PLSCR1: variants seen among roughly 807,000 people sequenced by gnomAD.
PLSCR1 encodes phospholipid scramblase 1, also known as PL scramblase 1.
A neutral mutation model predicts 37.8 loss-of-function variants in PLSCR1; 17 were observed. That is an observed-to-expected ratio of 0.45 (90% CI 0.31 to 0.68). The LOEUF (loss-of-function observed/expected upper bound fraction) is 0.68, where lower values mean the gene tolerates loss of function less well. Among genes scored for constraint, PLSCR1 ranks in the 30% least tolerant of loss-of-function variants. The probability of loss-of-function intolerance (pLI) is 0.06; values close to 1 mark genes in which losing one functional copy is unlikely to be tolerated. For synonymous variants in PLSCR1, 116 were observed against 125.9 expected (o/e 0.92, Z 0.53); for missense variants, 347 against 380.9 (o/e 0.91, Z 0.74).
intron 5 of PLSCR1, among the ~76,000 whole-genome samples, chr3:146,522,970 G>A (rs343312): frequency 0.068 from 10,408 of 152,224 alleles, 444 homozygotes; most frequent in African/African-American, 0.12. Context: ...ATTTGTTCAC[G>A]TGTTTACATG....
intron 1 of PLSCR1, among the ~76,000 whole-genome samples, chr3:146,538,650 A>T (rs1005783337): frequency 6.6e-6 from 1 of 152,192 alleles, no homozygotes; most frequent in Non-Finnish European, 1.5e-5. Context: ...AAAGCACTAA[A>T]TAATGTCTAA....
chr3:146,538,716 A>AT (rs988179704), intron 1 of PLSCR1, among the ~76,000 whole-genome samples: 8 of 151,540 alleles, frequency 5.3e-5, no homozygotes, highest in South Asian at 2.1e-4. Flanking sequence ...TTTATTTTTT[A>AT]TTTTTTTTTA....
intron 3 of PLSCR1, among the ~76,000 whole-genome samples, chr3:146,531,918 G>A (rs1302362891): frequency 1.3e-5 from 2 of 152,002 alleles, no homozygotes; most frequent in African/African-American, 2.4e-5. Flanking sequence ...AACTTCCTAT[G>A]CCTCAGCTTT....
intron 1 of PLSCR1, among the ~76,000 whole-genome samples, chr3:146,541,605 A>G (rs558306392): frequency 1.3e-5 from 2 of 152,294 alleles, no homozygotes; most frequent in South Asian, 2.1e-4. Context: ...CCTTCAGTGA[A>G]ATTTGTTAAA....
chr3:146,533,884 G>T (rs2609869), intron 2 of PLSCR1, among the ~76,000 whole-genome samples: 4 of 152,082 alleles, frequency 2.6e-5, no homozygotes, highest in African/African-American at 4.8e-5. Flanking sequence ...TACAGACTAC[G>T]AAGAAAGAGA....
At chr3:146,529,530 T>C (rs2044166939) in intron 3 of PLSCR1, among the ~76,000 whole-genome samples, 1 of 151,820 alleles carries the variant, frequency 6.6e-6, no homozygotes, top group African/African-American at 2.4e-5. Context: ...TTTTTTTTTT[T>C]GAGACAGAGT....
In PLSCR1 at chr3:146,521,563, C is replaced by CA; in HGVS notation, c.718dup (p.Cys240LeufsTer5). ...TCTTACCTCAAAATCAACATCTCCACAACAGCTGCACACAACACATGGACC... is the reference window on the plus strand; with the variant it reads ...TCTTACCTCAAAATCAACATCTCCACAAACAGCTGCACACAACACATGGACC... On this transcript the variant is annotated frameshift_variant, in exon 7 of 9. Coordinates refer to ENST00000342435, the MANE Select transcript of PLSCR1 (RefSeq NM_021105.3). LOFTEE classifies it high-confidence loss of function. The CA allele has an allele frequency of 1.2e-6, 2 of 1,613,626 alleles. No homozygotes were observed. Among genetic ancestry groups the CA allele is most frequent in the Non-Finnish European group, 1.7e-6 (2 of 1,179,764 alleles).
chr3:146,517,615 G>A (rs2108616916), intron 7 of PLSCR1, among the ~76,000 whole-genome samples: 1 of 152,252 alleles, frequency 6.6e-6, no homozygotes, highest in Non-Finnish European at 1.5e-5. Flanking sequence ...ACTACCCACT[G>A]TGAGTTGCCA....
At chr3:146,516,975 C>A in intron 8 of PLSCR1, 31 bp downstream of exon 8, 2 of 1,362,222 alleles carry the variant, frequency 1.5e-6, no homozygotes, top group Admixed American at 2.4e-5. Flanking sequence ...GAGAAAGCAT[C>A]TATAATCAAG....
chr3:146,532,609 A>G (rs2044214142), intron 3 of PLSCR1, among the ~76,000 whole-genome samples: 1 of 152,132 alleles, frequency 6.6e-6, no homozygotes, highest in African/African-American at 2.4e-5. Context: ...CATGACATTC[A>G]GCTCCTAAGC....
In PLSCR1 at chr3:146,517,030, T is replaced by G; in HGVS notation, c.876A>C (p.Val292=). 1 of 1,598,204 alleles carries G rather than the reference T, an allele frequency of 6.3e-7. No individual in the cohort carries two copies. Among genetic ancestry groups the G allele is most frequent in the Non-Finnish European group, 8.5e-7 (1 of 1,172,946 alleles). Residue 292 remains valine (V), a synonymous_variant, in exon 8 of 9, where the codon GTA becomes GTC. Coordinates refer to ENST00000342435, the MANE Select transcript of PLSCR1 (RefSeq NM_021105.3). ...CAATGAGGAAACAGGCACCAATCAT[T>G]ACAGCTTTCATTTTAACATCAAGGT... ...PLDLDVKMKA[V]MIGACFLIDF... is the part of the protein sequence containing the mutation.
At chr3:146,524,912 C>CT (rs1029388908) in intron 5 of PLSCR1, among the ~76,000 whole-genome samples, 2 of 151,940 alleles carry the variant, frequency 1.3e-5, no homozygotes, top group Admixed American at 1.3e-4. Context: ...TTTATTAAAC[C>CT]TTTTTTATCT....
chr3:146,533,550 T>C lies in PLSCR1; in HGVS notation c.14A>G (p.Asn5Ser), dbSNP rs1241898449. 1 of 1,592,354 alleles carries C rather than the reference T, an allele frequency of 6.3e-7. No individual in the cohort carries two copies. Among genetic ancestry groups the C allele is most frequent in the Non-Finnish European group, 8.6e-7 (1 of 1,162,732 alleles). Residue 5 changes from asparagine (N) to serine (S), a missense_variant and splice_region_variant, in exon 3 of 9, where the codon AAC (asparagine) becomes AGC (serine). Asn to Ser is a conservative substitution (Grantham distance 46, BLOSUM62 1). Transcript: ENST00000342435. MDKQ[N>S]SQMNASHPET... is the part of the protein sequence containing the mutation. ...CGGGTGAGAAGCATTCATCTGTGAG[T>C]CTGCAATTCAAGGAGAGGTAAATAG...
At chr3:146,528,038 A>C (rs2044143508) in intron 4 of PLSCR1, 1 of 152,226 alleles carries the variant, frequency 6.6e-6, no homozygotes, top group African/African-American at 2.4e-5. Context: ...AGTTACAATA[A>C]AAAGGTGAGT....
intron 1 of PLSCR1, among the ~76,000 whole-genome samples, chr3:146,543,251 A>G (rs1169457963): frequency 6.6e-6 from 1 of 152,192 alleles, no homozygotes; most frequent in East Asian, 1.9e-4. Flanking sequence ...CACACATCTG[A>G]TGTCTCTCCA....
At chr3:146,518,529 G>A (rs995131524) in intron 7 of PLSCR1, among the ~76,000 whole-genome samples, 10 of 152,058 alleles carry the variant, frequency 6.6e-5, no homozygotes, top group South Asian at 4.2e-4. Flanking sequence ...TCTGCTAATA[G>A]CTGTCATTGA....
chr3:146,518,989 C>T (rs916064224), intron 7 of PLSCR1, among the ~76,000 whole-genome samples: 1 of 152,058 alleles, frequency 6.6e-6, no homozygotes, highest in African/African-American at 2.4e-5. Flanking sequence ...AATATAATGA[C>T]AGCATATAGG....
chr3:146,540,712 T>C (rs1459121936), intron 1 of PLSCR1: 1 of 152,122 alleles, frequency 6.6e-6, no homozygotes, highest in Non-Finnish European at 1.5e-5. Context: ...AGCCCCAAGA[T>C]AGGGATAAAT....
intron 1 of PLSCR1, 179 bp from the exon 2 acceptor site, chr3:146,536,744 G>A: frequency 2.0e-6 from 1 of 502,440 alleles, no homozygotes; most frequent in East Asian, 3.0e-5. Flanking sequence ...TCCCCTTGCT[G>A]TGTTTCTGAG....
Sources: gnomAD v4.1 joint callset for allele counts (sites outside exome capture counted in the v4.1 genomes callset) on GRCh38, gnomAD v4.1.1 for gene constraint, MANE v1.5 for transcripts, NCBI Gene and HGNC (gene_info 2026-07-23, HGNC 2026-07-21) for gene names.